SLC4A4: variants seen among roughly 807,000 people sequenced by gnomAD.
SLC4A4 encodes the protein solute carrier family 4 member 4.
A neutral mutation model predicts 111.5 loss-of-function variants in SLC4A4; 27 were observed. The ratio of observed to expected loss-of-function variants is 0.24; its 90% CI spans 0.18 to 0.33. The LOEUF is 0.33. Ranked by LOEUF, SLC4A4 falls within the 10% of genes least tolerant of loss-of-function variation. SLC4A4 has a pLI of 1.00. For missense variants in SLC4A4, 909 were observed against 1,315.5 expected (o/e 0.69, Z 4.78); for synonymous variants, 443 against 463.4 (o/e 0.96, Z 0.57).
At chr4:71,307,168 A>C (rs1725754744) in intron 3 of SLC4A4, among the ~76,000 whole-genome samples, 1 of 152,218 alleles carries the variant, frequency 6.6e-6, no homozygotes, top group African/African-American at 2.4e-5. Flanking sequence ...ATTTAAAAGA[A>C]AAAATATGTG....
chr4:71,364,387 G>A (rs1291329544), intron 6 of SLC4A4, among the ~76,000 whole-genome samples: 1 of 152,226 alleles, frequency 6.6e-6, no homozygotes, highest in African/African-American at 2.4e-5. Flanking sequence ...TAAGCAGAAT[G>A]TGAGATACCA....
At chr4:71,379,717 C>T (rs1054766454) in intron 6 of SLC4A4, among the ~76,000 whole-genome samples, 4 of 152,128 alleles carry the variant, frequency 2.6e-5, no homozygotes, top group Non-Finnish European at 4.4e-5. Flanking sequence ...ACATTCTGAA[C>T]AATAAGGTGG....
At chr4:71,559,201 T>C (rs1030082554) in intron 22 of SLC4A4, among the ~76,000 whole-genome samples, 13 of 151,944 alleles carry the variant, frequency 8.6e-5, no homozygotes, top group Admixed American at 5.9e-4. Flanking sequence ...AGACAACTGC[T>C]TAATTTGAAG....
At chr4:71,262,648 A>G (rs1721947270) in intron 3 of SLC4A4, among the ~76,000 whole-genome samples, 1 of 152,178 alleles carries the variant, frequency 6.6e-6, no homozygotes, top group Admixed American at 6.5e-5. Flanking sequence ...TTGGAATTTC[A>G]GCGTTAAGTT....
intron 3 of SLC4A4, among the ~76,000 whole-genome samples, chr4:71,283,306 T>C (rs1723672276): frequency 6.6e-6 from 1 of 152,198 alleles, no homozygotes; most frequent in African/African-American, 2.4e-5. Context: ...TGGCAATGTT[T>C]TTAGGAGTAG....
chr4:71,088,649 C>G (rs1742272937), intron 1 of SLC4A4, among the ~76,000 whole-genome samples: 1 of 151,958 alleles, frequency 6.6e-6, no homozygotes, highest in African/African-American at 2.4e-5. Flanking sequence ...GATTTTATTT[C>G]TCCTTCACTT....
intron 7 of SLC4A4, among the ~76,000 whole-genome samples, chr4:71,421,803 A>G (rs1490100419): frequency 6.6e-6 from 1 of 152,208 alleles, no homozygotes; most frequent in Non-Finnish European, 1.5e-5. Flanking sequence ...AAAAAGACAC[A>G]ACATACCAGA....
At chr4:71,447,522 T>A in intron 8 of SLC4A4, 124 bp from the exon 9 acceptor site, 1 of 715,342 alleles carries the variant, frequency 1.4e-6, no homozygotes, top group Non-Finnish European at 2.6e-6. Flanking sequence ...TATATTACCT[T>A]TGTTTTAAAG....
chr4:71,331,660 A>G (rs1728004598), intron 3 of SLC4A4, among the ~76,000 whole-genome samples: 2 of 151,852 alleles, frequency 1.3e-5, no homozygotes, highest in Non-Finnish European at 2.9e-5. Flanking sequence ...TAGCACACCA[A>G]CATGGCACAT....
At chr4:71,261,291 G>A (rs1721837327) in intron 3 of SLC4A4, among the ~76,000 whole-genome samples, 1 of 152,216 alleles carries the variant, frequency 6.6e-6, no homozygotes, top group Non-Finnish European at 1.5e-5. Flanking sequence ...TGTACCAAGG[G>A]TGTCCTTGAA....
At chr4:71,369,419 G>T (rs1354106173) in intron 6 of SLC4A4, among the ~76,000 whole-genome samples, 3 of 152,152 alleles carry the variant, frequency 2.0e-5, no homozygotes, top group Non-Finnish European at 4.4e-5. Context: ...GCTGGCACTG[G>T]CAGCCCTCCC....
intron 1 of SLC4A4, among the ~76,000 whole-genome samples, chr4:71,073,047 G>T (rs1013235366): frequency 1.3e-5 from 2 of 152,112 alleles, no homozygotes; most frequent in African/African-American, 2.4e-5. Flanking sequence ...GATTACAGGT[G>T]TGAGCCACAG....
At chr4:71,474,198 C>T (rs35523951) in intron 14 of SLC4A4, among the ~76,000 whole-genome samples, 74,031 of 150,898 alleles carry the variant, frequency 0.49, 22,730 homozygotes, top group Non-Finnish European at 0.7. Context: ...TTCTAGGTTA[C>T]GCAATTAGAT....
chr4:71,544,817 T>C (rs1735372065), intron 18 of SLC4A4, among the ~76,000 whole-genome samples: 1 of 152,062 alleles, frequency 6.6e-6, no homozygotes, highest in South Asian at 2.1e-4. Context: ...ATTTTATTTA[T>C]TTATGGTATT....
chr4:71,560,694 A>G lies in SLC4A4; in HGVS notation c.3099+440A>G, dbSNP rs140886344. On this transcript the variant is annotated intron_variant, in intron 23 of 25. Coordinates refer to ENST00000264485, the MANE Select transcript of SLC4A4 (RefSeq NM_001098484.3). ...CTCACTTCACGTGATCTGTGAATCT[A>G]TTTGAGTAGGCTCTCCACCAAAGTT... is the stretch of plus-strand genomic sequence containing the variant. 1.9e-3 allele frequency among the ~76,000 whole-genome samples: 292 copies of G among 151,950 alleles called. 2 individuals carry two copies. Among genetic ancestry groups the G allele is most frequent in the African/African-American group, 6.7e-3 (277 of 41,524 alleles).
At chr4:71,089,943 G>T (rs2148939963) in intron 1 of SLC4A4, among the ~76,000 whole-genome samples, 1 of 105,170 alleles carries the variant, frequency 9.5e-6, no homozygotes, top group South Asian at 3.1e-4. Flanking sequence ...GGGCATTTAA[G>T]TCTGCAGAGA....
intron 1 of SLC4A4, among the ~76,000 whole-genome samples, chr4:71,225,220 C>T (rs751586378): frequency 1.4e-4 from 21 of 152,078 alleles, no homozygotes; most frequent in East Asian, 1.4e-3. Context: ...GGCATGGTGG[C>T]GCATGCCTGT....
At chr4:71,395,920 T>C (rs1719784321) in intron 6 of SLC4A4, among the ~76,000 whole-genome samples, 1 of 152,208 alleles carries the variant, frequency 6.6e-6, no homozygotes, top group African/African-American at 2.4e-5. Context: ...TTCAGATTTA[T>C]TCACTTATTC....
At chr4:71,564,942 C>A (rs566495541) in intron 24 of SLC4A4, among the ~76,000 whole-genome samples, 1 of 151,864 alleles carries the variant, frequency 6.6e-6, no homozygotes, top group East Asian at 2.0e-4. Flanking sequence ...GGTTCTGGCT[C>A]AGAGTCTCTC....
Sources: gnomAD v4.1 joint callset for allele counts (sites outside exome capture counted in the v4.1 genomes callset) on GRCh38, gnomAD v4.1.1 for gene constraint, MANE v1.5 for transcripts, NCBI Gene and HGNC (gene_info 2026-07-23, HGNC 2026-07-21) for gene names.